The following CCDC122 variants were observed in gnomAD, a reference collection of about 807,000 sequenced individuals.
CCDC122 encodes coiled-coil domain containing 122.
A neutral mutation model predicts 37.0 loss-of-function variants in CCDC122; 38 were observed. That is an observed-to-expected ratio of 1.03 (90% CI 0.79 to 1.35). CCDC122 has a LOEUF of 1.35. CCDC122 is among the 40% of genes most tolerant of loss of function. CCDC122 has a pLI of 0.00. For synonymous variants in CCDC122, 83 were observed against 95.6 expected (o/e 0.87, Z 0.77); for missense variants, 305 against 310.0 (o/e 0.98, Z 0.12).
intron 6 of CCDC122, among the ~76,000 whole-genome samples, chr13:43,849,718 A>G (rs1354056063): frequency 6.6e-6 from 1 of 152,214 alleles, no homozygotes; most frequent in Non-Finnish European, 1.5e-5. Flanking sequence ...AGAAAAAACT[A>G]TGGCCCCTCC....
At chr13:43,866,380 A>C (rs529712651) in intron 4 of CCDC122, among the ~76,000 whole-genome samples, 1 of 152,278 alleles carries the variant, frequency 6.6e-6, no homozygotes, top group African/African-American at 2.4e-5. Flanking sequence ...TAAGATTTCC[A>C]ACACTTTTCT....
intron 6 of CCDC122, among the ~76,000 whole-genome samples, chr13:43,857,860 A>G (rs1481983363): frequency 1.3e-5 from 2 of 152,284 alleles, no homozygotes; most frequent in African/African-American, 4.8e-5. Flanking sequence ...CTGAGATCGC[A>G]CCACTGTACT....
rs374286286 is a variant in CCDC122 at position 43,858,783 on chromosome 13, C to G, written c.670G>C (p.Glu224Gln). The G allele has an allele frequency of 8.5e-6, 12 of 1,412,252 alleles. No individual in the cohort carries two copies. The highest frequency in any genetic ancestry group is 1.5e-5 in the African/African-American group (1 of 68,692). The allele number at this position is 1,412,252 out of a possible 1,614,324, so 87.5% of individuals were successfully genotyped here. A position where few individuals can be genotyped will look rare whatever the true frequency, so the allele number is the denominator to read the frequency against. ...AAATCTAGATAATTAAGACTTACCT[C>G]TATTTCTTTTCTTAATTTTTCATGT... ...KTHEKLRKEI[E>Q]VQHKRYDAIL... is the part of the protein sequence containing the mutation. The change falls in exon 6 of 7, where the codon GAG becomes CAG. Residue 224 changes from glutamate to glutamine, a missense_variant and splice_region_variant. By Grantham distance (29) the Glu-to-Gln change is conservative. Coordinates refer to ENST00000444614, the MANE Select transcript of CCDC122 (RefSeq NM_144974.5).
chr13:43,851,547 T>C (rs907506340), intron 6 of CCDC122, among the ~76,000 whole-genome samples: 45 of 152,242 alleles, frequency 3.0e-4, no homozygotes, highest in African/African-American at 7.2e-4. Flanking sequence ...TCTGCCACTG[T>C]AGTGAATGCC....
At chr13:43,870,918 C>T (rs1022629925) in intron 2 of CCDC122, among the ~76,000 whole-genome samples, 1 of 152,038 alleles carries the variant, frequency 6.6e-6, no homozygotes, top group Admixed American at 6.6e-5. Context: ...CTAGAGTCAT[C>T]CCACAGTATA....
chr13:43,871,945 A>G (rs1954466033), intron 2 of CCDC122, among the ~76,000 whole-genome samples: 2 of 152,056 alleles, frequency 1.3e-5, no homozygotes, highest in African/African-American at 4.8e-5. Context: ...CATCTGACTT[A>G]CTGTTCCTCT....
Position 43,859,790 on chromosome 13 carries a change from C to T in CCDC122, c.437G>A (p.Trp146Ter). The change falls in exon 5 of 7, where the codon TGG becomes TAG. Residue 146 changes from tryptophan (W) to a stop codon, truncating the protein, a stop_gained. Coordinates refer to ENST00000444614, the MANE Select transcript of CCDC122 (RefSeq NM_144974.5). LOFTEE classifies it high-confidence loss of function. ...TTCATGGAGTTCAGTCATAAATGAC[C>T]ATTTGCTCTCTACTTCCCCCAAACT... ...KNSLGEVESK[W>*]SFMTELHEKR... is the part of the protein sequence containing the mutation. 1 of 1,608,552 alleles carries T rather than the reference C, an allele frequency of 6.2e-7. No individual in the cohort carries two copies. The highest frequency in any genetic ancestry group is 1.1e-5 in the South Asian group (1 of 89,742).
chr13:43,877,892 A>G (rs967802502), intron 1 of CCDC122: 1 of 152,206 alleles, frequency 6.6e-6, no homozygotes, highest in African/African-American at 2.4e-5. Context: ...TAGAGTCTCT[A>G]CATTAATTAT....
intron 2 of CCDC122, among the ~76,000 whole-genome samples, chr13:43,873,575 CCCTTTGAGAAAT>C (rs1380400058): frequency 6.6e-5 from 10 of 152,276 alleles, no homozygotes; most frequent in Non-Finnish European, 1.5e-4. Context: ...GTTTCATAGG[CCCTTTGAGAAAT>C]CCTTAACACT....
chr13:43,870,553 A>G (rs746257182), intron 2 of CCDC122, among the ~76,000 whole-genome samples: 1 of 152,160 alleles, frequency 6.6e-6, no homozygotes, highest in Non-Finnish European at 1.5e-5. Flanking sequence ...AAATACTTAC[A>G]TCATACTTAC....
rs1566948171 is a variant in CCDC122 at position 43,856,642 on chromosome 13, A to AG, written c.672+2138_672+2139insC. 4.3e-5 allele frequency: 6 copies of AG among 139,684 alleles called. No individual in the cohort carries two copies. The South Asian group carries it at 6.7e-4, about 15-fold the overall frequency. The allele number at this position is 139,684 out of a possible 1,614,324, so 8.7% of individuals were successfully genotyped here. A position where few individuals can be genotyped will look rare whatever the true frequency, so the allele number is the denominator to read the frequency against. On this transcript the variant is annotated intron_variant, in intron 6 of 6. Transcript: ENST00000444614. ...GAGACTCTGTCTCAAAAAAAAAAAA[A>AG]AGAAAAGAAAAAATCTCTCAATAAT... is the stretch of plus-strand genomic sequence containing the variant.
intron 6 of CCDC122, among the ~76,000 whole-genome samples, chr13:43,852,764 T>A (rs1334234449): frequency 2.6e-5 from 4 of 151,712 alleles, no homozygotes; most frequent in Non-Finnish European, 5.9e-5. Context: ...TACAAAGGGA[T>A]ACCCATCAGA....
chr13:43,821,546 C>A (rs570813923), downstream of CCDC122, among the ~76,000 whole-genome samples: 1 of 152,262 alleles, frequency 6.6e-6, no homozygotes, highest in African/African-American at 2.4e-5. Context: ...TTGATAAGTT[C>A]TCTGCTCTTA....
Position 43,860,056 on chromosome 13 carries a change from C to G in CCDC122, c.171G>C (p.Glu57Asp), listed in dbSNP as rs761022401. 5.3e-6 allele frequency: 8 copies of G among 1,513,024 alleles called. No individual in the cohort carries two copies. The African/African-American group carries it at 1.1e-4, about 21-fold the overall frequency. 93.7% of individuals were successfully genotyped at this position (1,513,024 alleles called of 1,614,324 possible). ...VLFNLKNELH[E>D]LEKEIAAISA... is the part of the protein sequence containing the mutation. ...AGATAGCTGCTATTTCTTTTTCAAG[C>G]TCATGAAGTTCATTCTGTAATACAT... The change falls in exon 5 of 7, where the codon GAG becomes GAC. Residue 57 changes from glutamate to aspartate, a missense_variant. Glu to Asp is a conservative substitution (Grantham distance 45). Transcript: ENST00000444614.
rs377732767 is a variant in CCDC122, at chr13:43,858,809, G to A, written c.644C>T (p.Thr215Ile). Residue 215 changes from threonine to isoleucine, a missense_variant, in exon 6 of 7, where the codon ACA becomes ATA. By Grantham distance (89) the Thr-to-Ile change is moderately conservative. Transcript: ENST00000444614. ...KTCFLEEEKKTHEKLRKEIEV... is the reference protein window; with the variant it reads ...KTCFLEEEKKIHEKLRKEIEV... ...TATTTCTTTTCTTAATTTTTCATGTGTCTTTTTTTCTTCCTCAAGAAAACA... is the reference window on the plus strand; with the variant it reads ...TATTTCTTTTCTTAATTTTTCATGTATCTTTTTTTCTTCCTCAAGAAAACA... 1.4e-6 allele frequency: 2 copies of A among 1,425,122 alleles called. No individual in the cohort carries two copies. The highest frequency in any genetic ancestry group is 2.9e-5 in the African/African-American group (2 of 69,310). The allele number at this position is 1,425,122 out of a possible 1,614,324, so 88.3% of individuals were successfully genotyped here. A position where few individuals can be genotyped will look rare whatever the true frequency, so the allele number is the denominator to read the frequency against.
chr13:43,863,652 T>G (rs1276343118), intron 4 of CCDC122, among the ~76,000 whole-genome samples: 3 of 150,970 alleles, frequency 2.0e-5, no homozygotes. Context: ...GTCAGTCTTT[T>G]TAAACTTAGC....
At chr13:43,870,718 A>T (rs913714658) in intron 2 of CCDC122, among the ~76,000 whole-genome samples, 1 of 152,136 alleles carries the variant, frequency 6.6e-6, no homozygotes, top group Admixed American at 6.6e-5. Flanking sequence ...TACAAAAAAA[A>T]GTACAGGGAG....
chr13:43,827,896 T>C (rs1361415560), intron 3 of CCDC122, among the ~76,000 whole-genome samples: 1 of 152,198 alleles, frequency 6.6e-6, no homozygotes, highest in Non-Finnish European at 1.5e-5. Context: ...TGGAGTTGAC[T>C]CCTGGATGTA....
chr13:43,860,719 T>C (rs1369761816), intron 4 of CCDC122, among the ~76,000 whole-genome samples: 1 of 152,180 alleles, frequency 6.6e-6, no homozygotes, highest in Non-Finnish European at 1.5e-5. Context: ...ATTTCAGTCA[T>C]CATAATTTCC....
Sources: gnomAD v4.1 joint callset for allele counts (sites outside exome capture counted in the v4.1 genomes callset) on GRCh38, gnomAD v4.1.1 for gene constraint, MANE v1.5 for transcripts, NCBI Gene and HGNC (gene_info 2026-07-23, HGNC 2026-07-21) for gene names.